The following OTOP1 variants were observed in gnomAD, a reference collection of about 807,000 sequenced individuals.
The protein encoded by OTOP1 is otopetrin 1.
A neutral mutation model predicts 52.9 loss-of-function variants in OTOP1; 59 were observed. The ratio of observed to expected loss-of-function variants is 1.12; its 90% confidence interval spans 0.91 to 1.39. The LOEUF is 1.39. Among genes scored for constraint, OTOP1 ranks in the 40% most tolerant of loss-of-function variants. OTOP1 has a pLI of 0.00. For missense variants in OTOP1, 761 were observed against 800.9 expected (o/e 0.95, Z 0.60); for synonymous variants, 317 against 337.7 (o/e 0.94, Z 0.67).
Position 4,197,199 on chromosome 4 carries a change from A to G in OTOP1, c.1635T>C (p.Asn545=). 2 of 1,612,532 alleles carry G rather than the reference A, an allele frequency of 1.2e-6. No homozygotes were observed. The highest frequency in any genetic ancestry group is 1.1e-5 in the South Asian group (1 of 90,898). ...TGCAGAGGAACAAGAAGGCTGCAATATTCCTCAGGACTTTTCTCTTGGCGT... is the reference window on the plus strand; with the variant it reads ...TGCAGAGGAACAAGAAGGCTGCAATGTTCCTCAGGACTTTTCTCTTGGCGT... ...QGNAKRKVLR[N]IAAFLFLCNI... is the part of the protein sequence containing the mutation. The change falls in exon 5 of 6, where the codon AAT becomes AAC. Residue 545 remains asparagine, a synonymous_variant. Transcript: ENST00000296358.
intron 2 of OTOP1, among the ~76,000 whole-genome samples, chr4:4,207,174 T>C (rs1716923024): frequency 6.8e-6 from 1 of 146,146 alleles, no homozygotes; most frequent in Non-Finnish European, 1.5e-5. Context: ...GCATTAACTG[T>C]CTTGAAACAA....
At chr4:4,219,877 GTA>G (rs1560211331) in intron 1 of OTOP1, among the ~76,000 whole-genome samples, 2 of 142,052 alleles carry the variant, frequency 1.4e-5, no homozygotes, top group African/African-American at 2.6e-5. Flanking sequence ...ATACATATAT[GTA>G]TATATACACA....
chr4:4,203,354 C>T (rs1017016077), intron 3 of OTOP1, among the ~76,000 whole-genome samples: 6 of 152,138 alleles, frequency 3.9e-5, no homozygotes, highest in African/African-American at 1.2e-4. Context: ...AAAGCCTGCT[C>T]GGTAATGACA....
chr4:4,224,272 G>A (rs1456400337), intron 1 of OTOP1, among the ~76,000 whole-genome samples: 3 of 151,746 alleles, frequency 2.0e-5, no homozygotes, highest in Admixed American at 6.6e-5. Flanking sequence ...GTTTGAACCC[G>A]GGAGGTGGAG....
At chr4:4,220,098 TA>T (rs869142261) in intron 1 of OTOP1, among the ~76,000 whole-genome samples, 10,060 of 106,222 alleles carry the variant, frequency 0.095, 1,094 homozygotes, top group African/African-American at 0.18. Flanking sequence ...TATATATATA[TA>T]TATATATTTT....
chr4:4,201,469 T>TACACACACACAC lies in OTOP1; in HGVS notation c.730+978_730+979insGTGTGTGTGTGT, dbSNP rs564159690. ...TAGAATAAATAAATAAATATATATA[T>TACACACACACAC]ATACACACACACACACACACACACA... On this transcript the variant is annotated intron_variant, in intron 4 of 5. Transcript: ENST00000296358. Among the ~76,000 whole-genome samples, 770 of 137,642 alleles carry TACACACACACAC rather than the reference T, an allele frequency of 5.6e-3. 10 individuals are homozygous for TACACACACACAC. The highest frequency in any genetic ancestry group is 0.018 in the African/African-American group (653 of 36,146). 90.3% of individuals were successfully genotyped at this position (137,642 alleles called of 152,430 possible). A position where few individuals can be genotyped will look rare whatever the true frequency, so the allele number is the denominator to read the frequency against.
chr4:4,205,944 C>T, intron 3 of OTOP1, 128 bp downstream of exon 3: 7 of 801,802 alleles, frequency 8.7e-6, no homozygotes. Flanking sequence ...CAAGTGAGAG[C>T]TTAGCTTTCA....
chr4:4,196,614 G>T (rs1716632672), intron 5 of OTOP1, among the ~76,000 whole-genome samples: 1 of 152,120 alleles, frequency 6.6e-6, no homozygotes, highest in Non-Finnish European at 1.5e-5. Context: ...TGTGGTCCCA[G>T]GTACTCAGGA....
intron 4 of OTOP1, among the ~76,000 whole-genome samples, chr4:4,198,478 G>GA (rs1359069490): frequency 1.3e-5 from 2 of 152,138 alleles, no homozygotes; most frequent in African/African-American, 2.4e-5. Context: ...ATCTCTGGGT[G>GA]AAAAAATGAC....
At position 4,197,356 on chromosome 4, in the gene OTOP1, T is replaced by G. The variant is rs34666677; in HGVS notation, c.1478A>C (p.Lys493Thr). The stretch of plus-strand genomic sequence containing the variant: ...TCCATTGGCTGCTGGTGGCATGTCC[T>G]TGCCCTGGGGAGCCACATCTCTGGC... ...GVARDVAPQG[K>T]DMPPAANGNV... Residue 493 changes from lysine to threonine, a missense_variant, in exon 5 of 6, where the codon AAG becomes ACG. By Grantham distance (78) the Lys-to-Thr change is moderately conservative. Around this residue, in one of 3 missense-constraint regions of OTOP1, gnomAD observed 632 missense variants for 619.5 expected, o/e 1.02. Coordinates refer to ENST00000296358, the MANE Select transcript of OTOP1 (RefSeq NM_177998.3). 0.1 allele frequency: 165,047 copies of G among 1,614,016 alleles called. 9,157 individuals are homozygous for G. Among genetic ancestry groups the G allele is most frequent in the South Asian group, 0.13 (11,596 of 91,068 alleles).
intron 1 of OTOP1, among the ~76,000 whole-genome samples, chr4:4,223,730 T>C (rs1717356320): frequency 6.6e-6 from 1 of 151,770 alleles, no homozygotes; most frequent in Non-Finnish European, 1.5e-5. Context: ...TGAAACACTG[T>C]CTCTACTAAA....
intron 1 of OTOP1, among the ~76,000 whole-genome samples, chr4:4,219,631 A>G (rs1265790018): frequency 1.1e-4 from 17 of 150,876 alleles, no homozygotes; most frequent in Admixed American, 1.1e-3. Flanking sequence ...CAGGAGGCAG[A>G]GCTTACAGTG....
In OTOP1 at chr4:4,226,655, G is replaced by A; in HGVS notation, c.210C>T (p.Phe70=). Residue 70 remains phenylalanine (F), a synonymous_variant, in exon 1 of 6, where the codon TTC becomes TTT. Transcript: ENST00000296358. The part of the protein sequence containing the change: ...MLSSQYGLIV[F]VAGLLLLLAW... Reference sequence around the variant, plus strand: ...CCAGCAGCAGCAGCAGCCCCGCCACGAACACGATCAGCCCATACTGGCTGC... The same window carrying A: ...CCAGCAGCAGCAGCAGCCCCGCCACAAACACGATCAGCCCATACTGGCTGC... 3 of 1,590,586 alleles carry A rather than the reference G, an allele frequency of 1.9e-6. No homozygotes were observed. Among genetic ancestry groups the A allele is most frequent in the South Asian group, 1.1e-5 (1 of 88,632 alleles).
chr4:4,209,090 A>C (rs1278117421), intron 2 of OTOP1, among the ~76,000 whole-genome samples: 1 of 152,186 alleles, frequency 6.6e-6, no homozygotes, highest in Non-Finnish European at 1.5e-5. Context: ...ATGTCTAGTA[A>C]TGTCTAGCCT....
rs1431260924 is a variant in OTOP1 at position 4,226,861 on chromosome 4, G to C, written c.4C>G (p.Leu2Val). Residue 2 changes from leucine (L) to valine (V), a missense_variant, in exon 1 of 6, where the codon CTC becomes GTC. This residue lies in a region of OTOP1 where 73 missense variants were observed against 75.7 expected (regional missense o/e 0.96). Coordinates refer to ENST00000296358, the MANE Select transcript of OTOP1 (RefSeq NM_177998.3). ...GAGGCGGGCGACCCCAGGCCCTCGA[G>C]CATCTTCGAGACACCCGCGCCAAGT... Reference protein sequence around the residue: MLEGLGSPASPR... With the variant: MVEGLGSPASPR... 69 of 1,326,748 alleles carry C rather than the reference G, an allele frequency of 5.2e-5. No individual in the cohort carries two copies. In the Middle Eastern group the frequency reaches 1.4e-3, roughly 27 times the overall value. 82.2% of individuals were successfully genotyped at this position (1,326,748 alleles called of 1,614,324 possible).
chr4:4,205,329 C>T (rs935939259), intron 3 of OTOP1, among the ~76,000 whole-genome samples: 93 of 152,276 alleles, frequency 6.1e-4, no homozygotes, highest in African/African-American at 2.1e-3. Context: ...GATTATCAAG[C>T]GGCAGAAGGT....
At chr4:4,207,645 G>T (rs1716936251) in intron 2 of OTOP1, among the ~76,000 whole-genome samples, 1 of 151,268 alleles carries the variant, frequency 6.6e-6, no homozygotes, top group Admixed American at 6.6e-5. Flanking sequence ...TTCTCACAAA[G>T]ATATTTGTCC....
At chr4:4,200,542 A>T (rs1716760544) in intron 4 of OTOP1, among the ~76,000 whole-genome samples, 2 of 149,548 alleles carry the variant, frequency 1.3e-5, no homozygotes, top group Non-Finnish European at 3.0e-5. Context: ...ACACTATGAA[A>T]TTTTCTTTTT....
intron 2 of OTOP1, among the ~76,000 whole-genome samples, chr4:4,207,337 G>C (rs948829815): frequency 5.3e-5 from 8 of 152,086 alleles, no homozygotes; most frequent in Non-Finnish European, 8.8e-5. Context: ...TACCAACATT[G>C]AAAACTTTTT....
Sources: gnomAD v4.1 joint callset for allele counts (sites outside exome capture counted in the v4.1 genomes callset) on GRCh38, gnomAD v4.1.1 for gene constraint, gnomAD v4.1.1 regional missense constraint, MANE v1.5 for transcripts, NCBI Gene and HGNC (gene_info 2026-07-23, HGNC 2026-07-21) for gene names.